The following IFT56 variants were observed in gnomAD, a reference collection of about 807,000 sequenced individuals.
IFT56 encodes intraflagellar transport protein 56.
At chr7:139,143,063 A>G in the IFT56 span, among the ~76,000 whole-genome samples, 46 of 152,262 alleles carry the variant, frequency 3.0e-4, no homozygotes, top group African/African-American at 1.0e-3. Flanking sequence ...CAAATGCATC[A>G]TATGTGCCAT....
At chr7:139,154,830 A>G in the IFT56 span, among the ~76,000 whole-genome samples, 2,481 of 152,266 alleles carry the variant, frequency 0.016, 69 homozygotes, top group African/African-American at 0.056. Flanking sequence ...TTGCAATTCA[A>G]TATGAATTTT....
chr7:139,155,024 G>A, the IFT56 span, among the ~76,000 whole-genome samples: 4 of 151,888 alleles, frequency 2.6e-5, no homozygotes, highest in East Asian at 3.9e-4. Context: ...TTTTTATGGG[G>A]CAAGTTTTAC....
the IFT56 span, among the ~76,000 whole-genome samples, chr7:139,145,790 A>G: frequency 6.6e-5 from 10 of 151,472 alleles, no homozygotes; most frequent in Non-Finnish European, 1.0e-4. Context: ...ACTACAAGCT[A>G]CTCTAATATT....
chr7:139,148,409 C>T, the IFT56 span: 1 of 1,580,006 alleles, frequency 6.3e-7, no homozygotes, highest in South Asian at 1.1e-5. Flanking sequence ...TAATGTACTT[C>T]ATTCCAATTT....
the IFT56 span, chr7:139,134,544 A>T: frequency 1.6e-6 from 2 of 1,229,882 alleles, no homozygotes; most frequent in East Asian, 2.6e-5. Flanking sequence ...CTGGGATTAC[A>T]GGCATGAGCC....
At chr7:139,152,066 A>G in the IFT56 span, among the ~76,000 whole-genome samples, 3 of 152,228 alleles carry the variant, frequency 2.0e-5, no homozygotes, top group African/African-American at 7.2e-5. Context: ...CATCTCAAAA[A>G]GAAAAAAAGA....
chr7:139,137,990 T>A, the IFT56 span: 1 of 1,107,248 alleles, frequency 9.0e-7, no homozygotes. Context: ...TAAAATGTTA[T>A]TAAACTTTAT....
chr7:139,177,956 G>T, the IFT56 span, among the ~76,000 whole-genome samples: 1 of 152,044 alleles, frequency 6.6e-6, no homozygotes, highest in Non-Finnish European at 1.5e-5. Context: ...GGGTAATGTC[G>T]TAGTTAATGA....
the IFT56 span, among the ~76,000 whole-genome samples, chr7:139,158,313 C>CAAAAAAAAAAAAAAAAAA: frequency 3.6e-4 from 42 of 115,158 alleles, no homozygotes; most frequent in African/African-American, 1.0e-3. Flanking sequence ...GACGCCATCT[C>CAAAAAAAAAAAAAAAAAA]AAAAAAAAAA....
At chr7:139,157,858 T>C in the IFT56 span, among the ~76,000 whole-genome samples, 2 of 152,196 alleles carry the variant, frequency 1.3e-5, no homozygotes, top group Non-Finnish European at 2.9e-5. Flanking sequence ...GCTATCTTAA[T>C]GTATCTCTGT....
chr7:139,178,136 A>G, the IFT56 span: 1 of 1,030,162 alleles, frequency 9.7e-7, no homozygotes, highest in East Asian at 2.5e-5. Context: ...TCTTTAAATT[A>G]TTAAATAACT....
the IFT56 span, among the ~76,000 whole-genome samples, chr7:139,186,280 G>A: frequency 6.6e-6 from 1 of 151,978 alleles, no homozygotes; most frequent in Non-Finnish European, 1.5e-5. Flanking sequence ...TTAAAAATTA[G>A]CTGGGCATGG....
the IFT56 span, among the ~76,000 whole-genome samples, chr7:139,159,118 G>A: frequency 6.6e-6 from 1 of 152,116 alleles, no homozygotes; most frequent in Admixed American, 6.5e-5. Flanking sequence ...AAAGGAAAAT[G>A]AATGAATTGA....
At chr7:139,165,391 GC>G in the IFT56 span, among the ~76,000 whole-genome samples, 1 of 152,118 alleles carries the variant, frequency 6.6e-6, no homozygotes, top group Admixed American at 6.5e-5. Flanking sequence ...TATTTGTTGT[GC>G]CTTTTTTTAT....
the IFT56 span, chr7:139,172,884 C>A: frequency 4.3e-6 from 3 of 698,100 alleles, no homozygotes; most frequent in Non-Finnish European, 5.5e-6. Flanking sequence ...TAGGTGAAGA[C>A]AATCTGCTAT....
At chr7:139,168,204 G>A in the IFT56 span, 1 of 473,390 alleles carries the variant, frequency 2.1e-6, no homozygotes, top group African/African-American at 1.9e-5. Flanking sequence ...TTTTATTCAA[G>A]CCAGGGATAG....
the IFT56 span, chr7:139,142,330 T>A: frequency 6.2e-7 from 1 of 1,603,190 alleles, no homozygotes; most frequent in Non-Finnish European, 8.5e-7. Context: ...ATTTCACATT[T>A]TTTTGTTTTA....
the IFT56 span, chr7:139,178,538 C>A: frequency 6.2e-7 from 1 of 1,614,076 alleles, no homozygotes; most frequent in Non-Finnish European, 8.5e-7. Context: ...ATGATGACAT[C>A]TTTAACTTTA....
the IFT56 span, among the ~76,000 whole-genome samples, chr7:139,177,197 A>T: frequency 6.6e-6 from 1 of 151,300 alleles, no homozygotes; most frequent in African/African-American, 2.4e-5. Context: ...AAGAAAAGAA[A>T]AAAAGAAATA....
Sources: gnomAD v4.1 joint callset for allele counts (sites outside exome capture counted in the v4.1 genomes callset) on GRCh38, gnomAD v4.1.1 for gene constraint, MANE v1.5 for transcripts, NCBI Gene and HGNC (gene_info 2026-07-23, HGNC 2026-07-21) for gene names.